Variants in SF3A1 observed in about 807,000 individuals in gnomAD.
SF3A1 encodes SAP 114.
In SF3A1, 13 loss-of-function variants were observed where a neutral mutation model predicts 89.9. The observed-to-expected ratio is 0.14, with a 90% confidence interval of 0.09 to 0.23. The LOEUF is 0.23. Among genes scored for constraint, SF3A1 ranks in the 10% least tolerant of loss-of-function variants. The pLI is 1.00. For synonymous variants in SF3A1, 405 were observed against 374.4 expected (o/e 1.08, Z -0.94); for missense variants, 604 against 1,022.1 (o/e 0.59, Z 5.58).
At chr22:30,340,657 C>T (rs367692299) in intron 8 of SF3A1, 38 bp downstream of exon 8, 7 of 1,331,138 alleles carry the variant, frequency 5.3e-6, no homozygotes, top group Non-Finnish European at 6.5e-6. Flanking sequence ...ACAGGACTTC[C>T]TGGGCAGCCC....
intron 2 of SF3A1, among the ~76,000 whole-genome samples, chr22:30,352,042 G>A (rs905600606): frequency 6.6e-6 from 1 of 151,950 alleles, no homozygotes; most frequent in Non-Finnish European, 1.5e-5. Flanking sequence ...CTGAGGTGGC[G>A]GCTAGCACCT....
chr22:30,337,279 TA>T (rs767051297), intron 12 of SF3A1, 99 bp from the exon 13 acceptor site: 33 of 1,174,888 alleles, frequency 2.8e-5, no homozygotes, highest in Non-Finnish European at 3.7e-5. Context: ...AGGTTTCCTC[TA>T]GTCAGAGGTG....
chr22:30,345,982 C>T (rs1445416980), intron 3 of SF3A1, among the ~76,000 whole-genome samples: 1 of 152,152 alleles, frequency 6.6e-6, no homozygotes, highest in African/African-American at 2.4e-5. Context: ...GCTGCCCTCA[C>T]ATCACGGCAC....
At chr22:30,350,314 A>T (rs975875626) in intron 2 of SF3A1, among the ~76,000 whole-genome samples, 5 of 149,024 alleles carry the variant, frequency 3.4e-5, no homozygotes, top group African/African-American at 7.4e-5. Context: ...TAAAAAAAAT[A>T]AAAAAAATAA....
chr22:30,332,663 GGGCCTGT>G lies in SF3A1; in HGVS notation c.*1924_*1930del, dbSNP rs2145796505. On this transcript the variant is annotated 3_prime_UTR_variant, in exon 16 of 16. Transcript: ENST00000215793. ...CTAGTGCAGTGCCAAGCAGCACACTGGGCCTGTGGCCACTGATGTTCACAAGGCCTCA... is the reference window on the plus strand; with the variant it reads ...CTAGTGCAGTGCCAAGCAGCACACTGGGCCACTGATGTTCACAAGGCCTCA... 1 of 152,340 alleles carries G rather than the reference GGGCCTGT, an allele frequency of 6.6e-6. No individual in the cohort carries two copies. The highest frequency in any genetic ancestry group is 2.4e-5 in the African/African-American group (1 of 41,566). The allele number at this position is 152,340 out of a possible 1,614,324, so 9.4% of individuals were successfully genotyped here.
chr22:30,340,224 C>T lies in SF3A1; in HGVS notation c.1347G>A (p.Lys449=). ...GTGCGTACACCTCATCATCGCTCTG[C>T]TTCTCACGGATGGAGCGATCCCGCT... ...LEQRDRSIRE[K]QSDDEVYAPG... is the part of the protein sequence containing the mutation. The change falls in exon 9 of 16, where the codon AAG becomes AAA. Residue 449 remains lysine, a synonymous_variant. Transcript: ENST00000215793. The T allele has an allele frequency of 1.3e-6, 2 of 1,595,314 alleles. No homozygotes were observed. Among genetic ancestry groups the T allele is most frequent in the Non-Finnish European group, 1.7e-6 (2 of 1,171,856 alleles).
At chr22:30,352,090 C>A (rs889013761) in intron 2 of SF3A1, among the ~76,000 whole-genome samples, 1 of 150,540 alleles carries the variant, frequency 6.6e-6, no homozygotes. Context: ...GAACCCGGAG[C>A]AATTCCCATT....
intron 2 of SF3A1, among the ~76,000 whole-genome samples, chr22:30,351,078 A>G (rs904060692): frequency 1.3e-5 from 2 of 152,164 alleles, no homozygotes; most frequent in African/African-American, 4.8e-5. Context: ...AGGTCGGGGG[A>G]TCATTAAGTC....
chr22:30,342,736 A>T, intron 5 of SF3A1, 69 bp downstream of exon 5: 1 of 1,005,282 alleles, frequency 9.9e-7, no homozygotes, highest in Non-Finnish European at 1.6e-6. Flanking sequence ...CCTGCCTCAG[A>T]GACTGTTTTC....
At position 30,340,678 on chromosome 22, in the gene SF3A1, A is replaced by G; in HGVS notation, c.1189+17T>C. 5 of 1,503,270 alleles carry G rather than the reference A, an allele frequency of 3.3e-6. No individual in the cohort carries two copies. The highest frequency in any genetic ancestry group is 4.6e-6 in the Non-Finnish European group (5 of 1,080,160). 93.1% of individuals were successfully genotyped at this position (1,503,270 alleles called of 1,614,324 possible). The stretch of plus-strand genomic sequence containing the variant: ...CTTCCTGGGCAGCCCGAGGGTTGGG[A>G]AGCAGGCCCTCCCTACCTTTGGGAT... On this transcript the variant is annotated intron_variant, in intron 8 of 15. Transcript: ENST00000215793.
At position 30,341,755 on chromosome 22, in the gene SF3A1, C is replaced by T; in HGVS notation, c.1008G>A (p.Gln336=). 2 of 1,614,166 alleles carry T rather than the reference C, an allele frequency of 1.2e-6. No homozygotes were observed. The highest frequency in any genetic ancestry group is 1.1e-5 in the South Asian group (1 of 91,090). Reference sequence around the variant, plus strand: ...GGGAAGGAGGCTCCTCCGCCTTCTCCTGTTTGTCATCCTCCTCATCAGACT... The same window carrying T: ...GGGAAGGAGGCTCCTCCGCCTTCTCTTGTTTGTCATCCTCCTCATCAGACT... The part of the protein sequence containing the change: ...EVESDEEDDK[Q]EKAEEPPSQL... Residue 336 remains glutamine, a synonymous_variant, in exon 7 of 16, where the codon CAG becomes CAA. Transcript: ENST00000215793.
chr22:30,344,547 A>C (rs748222426), intron 4 of SF3A1, among the ~76,000 whole-genome samples: 1 of 152,188 alleles, frequency 6.6e-6, no homozygotes, highest in African/African-American at 2.4e-5. Context: ...AAAACACCTC[A>C]TGGCTTCTTG....
Position 30,338,836 on chromosome 22 carries a change from T to C in SF3A1, c.1696A>G (p.Ile566Val). The C allele has an allele frequency of 6.2e-7, 1 of 1,614,064 alleles. No homozygotes were observed. The highest frequency in any genetic ancestry group is 8.5e-7 in the Non-Finnish European group (1 of 1,179,984). ...QPPPPSSATNIPSSAPPITSV... is the reference protein window; with the variant it reads ...QPPPPSSATNVPSSAPPITSV... ...GTGATGGGTGGAGCCGAGCTGGGGATGTTGGTGGCTGAAGATGGTGGCGGT... is the reference window on the plus strand; with the variant it reads ...GTGATGGGTGGAGCCGAGCTGGGGACGTTGGTGGCTGAAGATGGTGGCGGT... The change falls in exon 11 of 16, where the codon ATC becomes GTC. Residue 566 changes from isoleucine to valine, a missense_variant. Coordinates refer to ENST00000215793, the MANE Select transcript of SF3A1 (RefSeq NM_005877.6).
intron 4 of SF3A1, among the ~76,000 whole-genome samples, chr22:30,343,368 C>A (rs1359497563): frequency 6.6e-6 from 1 of 152,234 alleles, no homozygotes; most frequent in Non-Finnish European, 1.5e-5. Flanking sequence ...CTCCTCCTCA[C>A]TAGACTAGAA....
At chr22:30,342,161 TC>T (rs764624837) in intron 6 of SF3A1, 38 bp downstream of exon 6, 5 of 1,613,078 alleles carry the variant, frequency 3.1e-6, no homozygotes, top group African/African-American at 1.3e-5. Flanking sequence ...AAGTCTGAGT[TC>T]CTGGCTCCCC....
At chr22:30,354,675 A>T (rs752398232) in intron 1 of SF3A1, among the ~76,000 whole-genome samples, 6 of 152,140 alleles carry the variant, frequency 3.9e-5, no homozygotes, top group Non-Finnish European at 8.8e-5. Context: ...TTTCATCTCT[A>T]ACCTCTTTCC....
chr22:30,336,993 T>C (rs779016427), intron 13 of SF3A1, 33 bp downstream of exon 13: 2 of 1,613,702 alleles, frequency 1.2e-6, no homozygotes, highest in East Asian at 2.2e-5. Context: ...ACCCTCCAGC[T>C]AGAAACTTCA....
At position 30,346,590 on chromosome 22, in the gene SF3A1, T is replaced by C. The variant is rs578077393; in HGVS notation, c.186-71A>G. The C allele has an allele frequency of 7.9e-5, 122 of 1,549,946 alleles. 1 individual carries two copies. Among genetic ancestry groups the C allele is most frequent in the Non-Finnish European group, 1.0e-4 (116 of 1,135,432 alleles). On this transcript the variant is annotated intron_variant, in intron 2 of 15. Transcript: ENST00000215793. ...CTGCTGTGATCTAGAACACTGCCCATTGGAACGTCCTTCTTGCCACCACCC... is the reference window on the plus strand; with the variant it reads ...CTGCTGTGATCTAGAACACTGCCCACTGGAACGTCCTTCTTGCCACCACCC...
chr22:30,334,435 G>A lies in SF3A1; in HGVS notation c.*159C>T. 1 of 545,808 alleles carries A rather than the reference G, an allele frequency of 1.8e-6. No homozygotes were observed. Among genetic ancestry groups the A allele is most frequent in the Non-Finnish European group, 3.2e-6 (1 of 310,560 alleles). The allele number at this position is 545,808 out of a possible 1,614,324, so 33.8% of individuals were successfully genotyped here. A position where few individuals can be genotyped will look rare whatever the true frequency, so the allele number is the denominator to read the frequency against. ...TTACCAATGTGGGGAAAGGGTCAGG[G>A]GAATGAACCTCTGCAGGACAATTTG... On this transcript the variant is annotated 3_prime_UTR_variant, in exon 16 of 16. Coordinates refer to ENST00000215793, the MANE Select transcript of SF3A1 (RefSeq NM_005877.6).
Sources: allele counts gnomAD v4.1 joint callset (sites outside exome capture counted in the v4.1 genomes callset), GRCh38; gene constraint gnomAD v4.1.1; transcripts MANE v1.5; gene names NCBI Gene and HGNC (gene_info 2026-07-23, HGNC 2026-07-21).